Variants in USP32 observed in about 807,000 individuals in gnomAD.
USP32 encodes ubiquitin carboxyl-terminal hydrolase 32.
Under a neutral mutation model 204.8 loss-of-function variants are expected in USP32, and 59 were observed. The ratio of observed to expected loss-of-function variants is 0.29; its 90% CI spans 0.23 to 0.36. The LOEUF (loss-of-function observed/expected upper bound fraction) is 0.36, where lower values mean the gene tolerates loss of function less well. USP32 is among the 10% of genes least tolerant of loss of function. The pLI, the probability that USP32 is intolerant of heterozygous loss-of-function variation, is 1.00. For synonymous variants in USP32, 517 were observed against 678.4 expected (o/e 0.76, Z 3.70); for missense variants, 1,160 against 1,946.4 (o/e 0.60, Z 7.60).
chr17:60,221,880 C>T (rs1048793066), intron 15 of USP32, among the ~76,000 whole-genome samples: 5 of 152,024 alleles, frequency 3.3e-5, no homozygotes, highest in Non-Finnish European at 5.9e-5. Flanking sequence ...TCCAGAGTAC[C>T]GAGTGCTGTT....
At chr17:60,374,686 A>G (rs1383458457) in intron 1 of USP32, among the ~76,000 whole-genome samples, 1 of 152,186 alleles carries the variant, frequency 6.6e-6, no homozygotes, top group Non-Finnish European at 1.5e-5. Context: ...TTTTATTTAA[A>G]TAAATAGAAG....
intron 1 of USP32, among the ~76,000 whole-genome samples, chr17:60,361,729 G>A (rs1257711538): frequency 6.7e-6 from 1 of 149,638 alleles, no homozygotes; most frequent in Non-Finnish European, 1.5e-5. Flanking sequence ...AAATAATGAA[G>A]AAAAATCAAT....
At chr17:60,306,736 G>A (rs998529260) in intron 2 of USP32, among the ~76,000 whole-genome samples, 50 of 152,252 alleles carry the variant, frequency 3.3e-4, no homozygotes, top group Admixed American at 1.8e-3. Context: ...AAAGGAGGTC[G>A]TCAAATTAGC....
intron 12 of USP32, among the ~76,000 whole-genome samples, chr17:60,232,160 TTC>T (rs1313614221): frequency 6.7e-6 from 1 of 148,442 alleles, no homozygotes; most frequent in Non-Finnish European, 1.5e-5. Context: ...AACACTAATT[TTC>T]TTTTTCTTTT....
intron 1 of USP32, among the ~76,000 whole-genome samples, chr17:60,407,686 G>T (rs1280816561): frequency 4.7e-5 from 7 of 150,422 alleles, no homozygotes; most frequent in Non-Finnish European, 8.8e-5. Flanking sequence ...GGAGGCTGAG[G>T]CAGAAGAATT....
At chr17:60,202,832 T>G (rs1042800841) in intron 26 of USP32, among the ~76,000 whole-genome samples, 2 of 146,512 alleles carry the variant, frequency 1.4e-5, no homozygotes, top group Admixed American at 1.3e-4. Flanking sequence ...TAAAAGGATG[T>G]TTGTAGATGT....
intron 9 of USP32, among the ~76,000 whole-genome samples, chr17:60,259,816 T>C (rs2086409473): frequency 6.6e-6 from 1 of 152,228 alleles, no homozygotes; most frequent in Non-Finnish European, 1.5e-5. Flanking sequence ...TTATCTTGTT[T>C]TTATCAATCT....
In USP32 at chr17:60,421,536, C is replaced by T. The variant is rs2090113990; in HGVS notation, c.106+710G>A. 6.1e-6 allele frequency: 6 copies of T among 985,358 alleles called. No individual in the cohort carries two copies. In the South Asian group the frequency reaches 1.9e-4, roughly 31 times the overall value. The allele number at this position is 985,358 out of a possible 1,614,324, so 61.0% of individuals were successfully genotyped here. On this transcript the variant is annotated intron_variant, in intron 1 of 3. Coordinates refer to the USP32 transcript ENST00000588898. The stretch of plus-strand genomic sequence containing the variant: ...GGGCCCAGAGGACACGAAGGAAGGT[C>T]CGGGAGAAGGAATTCCTAGTTTCAG...
intron 4 of USP32, among the ~76,000 whole-genome samples, chr17:60,293,394 T>A (rs1046733925): frequency 6.6e-6 from 1 of 152,230 alleles, no homozygotes; most frequent in Non-Finnish European, 1.5e-5. Flanking sequence ...GATTATCTTT[T>A]TTTCTTACAA....
chr17:60,381,312 A>T (rs2089642831), intron 1 of USP32, among the ~76,000 whole-genome samples: 1 of 152,046 alleles, frequency 6.6e-6, no homozygotes, highest in Non-Finnish European at 1.5e-5. Context: ...TGTGGTCCAC[A>T]CATCTGGAGT....
intron 1 of USP32, among the ~76,000 whole-genome samples, chr17:60,349,595 AAATATATATAT>A (rs1431001022): frequency 1.8e-5 from 1 of 55,502 alleles, no homozygotes; most frequent in Non-Finnish European, 3.0e-5. Flanking sequence ...AAAAAAAAAA[AAATATATATAT>A]ATATATATAT....
intron 31 of USP32, 95 bp from the exon 32 acceptor site, chr17:60,181,843 C>A: frequency 5.9e-6 from 9 of 1,513,374 alleles, no homozygotes; most frequent in Non-Finnish European, 8.0e-6. Context: ...CACAACTGTA[C>A]ACACAAAGGT....
intron 5 of USP32, among the ~76,000 whole-genome samples, chr17:60,277,841 GAT>G (rs139463463): frequency 9.0e-4 from 136 of 151,460 alleles, no homozygotes; most frequent in African/African-American, 2.9e-3. Context: ...AGACAGAATA[GAT>G]ATATGTTTTC....
In USP32 at chr17:60,190,624, T is replaced by C. The variant is rs1190532595; in HGVS notation, c.3581A>G (p.Tyr1194Cys). ...GEDRAFIGNAYIAVDWDPTAL... is the reference protein window; with the variant it reads ...GEDRAFIGNACIAVDWDPTAL... ...TGTGGGATCCCAATCCACAGCGATA[T>C]AGGCATTTCCAATGAAAGCTCTGTC... The change falls in exon 29 of 34, where the codon TAT becomes TGT. Residue 1194 changes from tyrosine to cysteine, a missense_variant. By Grantham distance (194) the Tyr-to-Cys change is radical. This residue lies in a region of USP32 where 160 missense variants were observed against 322.5 expected (regional missense o/e 0.50). Transcript: ENST00000300896. 6 of 1,606,712 alleles carry C rather than the reference T, an allele frequency of 3.7e-6. No homozygotes were observed. Among genetic ancestry groups the C allele is most frequent in the East Asian group, 2.3e-5 (1 of 44,428 alleles).
chr17:60,255,579 T>C (rs553164763), intron 9 of USP32, among the ~76,000 whole-genome samples: 25 of 152,336 alleles, frequency 1.6e-4, no homozygotes, highest in African/African-American at 5.8e-4. Context: ...ATTACAGGCA[T>C]CTGCCATGAT....
Position 60,185,428 on chromosome 17 carries a change from C to T in USP32, c.3834+32G>A, listed in dbSNP as rs771333856. ...TGTCTTCTTTCTTTTATGCCAGATT[C>T]CTGCTCTCTCAGAGGCAGGACTGTA... On this transcript the variant is annotated intron_variant, in intron 30 of 33. Transcript: ENST00000300896. The T allele has an allele frequency of 9.8e-6, 15 of 1,527,550 alleles. No individual in the cohort carries two copies. The African/African-American group carries it at 1.5e-4, about 15-fold the overall frequency. 94.6% of individuals were successfully genotyped at this position (1,527,550 alleles called of 1,614,324 possible).
At chr17:60,389,617 A>G (rs2089794016) in intron 1 of USP32, among the ~76,000 whole-genome samples, 1 of 103,866 alleles carries the variant, frequency 9.6e-6, no homozygotes, top group African/African-American at 1.8e-4. Flanking sequence ...TACTAAATGG[A>G]CCATGCTTAA....
intron 13 of USP32, among the ~76,000 whole-genome samples, chr17:60,224,646 G>A (rs903698252): frequency 6.6e-6 from 1 of 152,182 alleles, no homozygotes; most frequent in African/African-American, 2.4e-5. Flanking sequence ...AGCTGTGTGT[G>A]GCAGTGTACA....
intron 1 of USP32, among the ~76,000 whole-genome samples, chr17:60,368,904 T>C (rs549016114): frequency 6.6e-6 from 1 of 151,992 alleles, no homozygotes; most frequent in Non-Finnish European, 1.5e-5. Context: ...AAAAAGTTTC[T>C]GATGCAAGAC....
Sources: allele counts gnomAD v4.1 joint callset (sites outside exome capture counted in the v4.1 genomes callset), GRCh38; gene constraint gnomAD v4.1.1; regional missense constraint gnomAD v4.1.1; transcripts MANE v1.5; gene names NCBI Gene and HGNC (gene_info 2026-07-23, HGNC 2026-07-21).